The following GSDMC variants were observed in gnomAD, a reference collection of about 807,000 sequenced individuals.
The protein encoded by GSDMC is gasdermin-C.
In GSDMC, 59 loss-of-function variants were observed where a neutral mutation model predicts 58.0. The ratio of observed to expected loss-of-function variants is 1.02; its 90% CI spans 0.82 to 1.26. GSDMC has a LOEUF of 1.26. Ranked by LOEUF, GSDMC falls within the 50% of genes most tolerant of loss-of-function variation. The pLI is 0.00. For missense variants in GSDMC, 659 were observed against 598.5 expected (o/e 1.10, Z -1.06); for synonymous variants, 241 against 220.2 (o/e 1.09, Z -0.83).
At chr8:129,724,226 T>C in the GSDMC span, among the ~76,000 whole-genome samples, 1 of 152,208 alleles carries the variant, frequency 6.6e-6, no homozygotes, top group Non-Finnish European at 1.5e-5. Flanking sequence ...CAGGTGACTA[T>C]AGCCCTTGCC....
the GSDMC span, among the ~76,000 whole-genome samples, chr8:129,706,041 T>A: frequency 1.3e-5 from 2 of 152,146 alleles, no homozygotes; most frequent in Non-Finnish European, 2.9e-5. Flanking sequence ...ATGAAGAAAT[T>A]TTAAAAATAA....
At chr8:129,729,710 T>C in the GSDMC span, 79 of 526,522 alleles carry the variant, frequency 1.5e-4, no homozygotes, top group Non-Finnish European at 2.5e-4. Context: ...CAGTCTATCA[T>C]TGATGGACAT....
chr8:129,782,067 T>C (rs1263787548), intron 1 of GSDMC, among the ~76,000 whole-genome samples: 1 of 152,158 alleles, frequency 6.6e-6, no homozygotes, highest in African/African-American at 2.4e-5. Context: ...CGAGAGCAAT[T>C]TTAGAAATTA....
the GSDMC span, chr8:129,728,963 C>T: frequency 3.4e-5 from 23 of 668,644 alleles, no homozygotes; most frequent in Middle Eastern, 3.9e-4. Context: ...AGCTGCTGAA[C>T]GAGAAGGAGC....
At chr8:129,754,560 A>G (rs181057700) in intron 6 of GSDMC, among the ~76,000 whole-genome samples, 4 of 152,338 alleles carry the variant, frequency 2.6e-5, no homozygotes, top group Admixed American at 2.6e-4. Context: ...ACCAAAAAAC[A>G]TCTACAAGAA....
At chr8:129,776,758 G>C (rs148811824) in intron 2 of GSDMC, among the ~76,000 whole-genome samples, 1 of 140,176 alleles carries the variant, frequency 7.1e-6, no homozygotes, top group East Asian at 2.2e-4. Context: ...TGTTGTTGTT[G>C]TTTTTGTTGT....
chr8:129,745,902 A>G (rs7003594), downstream of GSDMC, among the ~76,000 whole-genome samples: 3,510 of 116,838 alleles, frequency 0.03, 157 homozygotes, highest in African/African-American at 0.14. Flanking sequence ...CTGCCGTTCT[A>G]CATGCCATGA....
At chr8:129,711,546 T>C in the GSDMC span, among the ~76,000 whole-genome samples, 65,781 of 152,070 alleles carry the variant, frequency 0.43, 19,243 homozygotes, top group African/African-American at 0.8. Flanking sequence ...AGTTCAAGAC[T>C]AAGGAAAGCA....
intron 1 of GSDMC, among the ~76,000 whole-genome samples, chr8:129,785,118 G>A (rs2034521670): frequency 6.6e-6 from 1 of 152,112 alleles, no homozygotes; most frequent in African/African-American, 2.4e-5. Context: ...GGCTGAGGCA[G>A]GAGAATCACT....
the GSDMC span, among the ~76,000 whole-genome samples, chr8:129,740,722 C>A: frequency 1.3e-5 from 2 of 152,048 alleles, no homozygotes; most frequent in Non-Finnish European, 2.9e-5. Context: ...GATTTATACA[C>A]GACTATATAT....
the GSDMC span, among the ~76,000 whole-genome samples, chr8:129,743,105 T>C: frequency 6.6e-6 from 1 of 152,204 alleles, no homozygotes; most frequent in Non-Finnish European, 1.5e-5. Flanking sequence ...TGTGTGCTTA[T>C]CCTGTTCAGA....
intron 6 of GSDMC, among the ~76,000 whole-genome samples, chr8:129,756,409 G>C (rs1332452757): frequency 6.6e-6 from 1 of 152,052 alleles, no homozygotes; most frequent in Non-Finnish European, 1.5e-5. Flanking sequence ...GCTAAAGAGA[G>C]AGAGAGCTAA....
At chr8:129,783,438 T>A (rs993862611) in intron 1 of GSDMC, among the ~76,000 whole-genome samples, 1 of 152,162 alleles carries the variant, frequency 6.6e-6, no homozygotes, top group Non-Finnish European at 1.5e-5. Context: ...AGCACTTCTA[T>A]ATGCCAACAG....
the GSDMC span, among the ~76,000 whole-genome samples, chr8:129,732,289 TA>T: frequency 0.07 from 9,877 of 140,702 alleles, 395 homozygotes; most frequent in African/African-American, 0.11. Flanking sequence ...CTTTATAAAT[TA>T]AAAAAAAAAA....
downstream of GSDMC, among the ~76,000 whole-genome samples, chr8:129,746,073 C>CG (rs1194190687): frequency 6.6e-6 from 1 of 151,876 alleles, no homozygotes; most frequent in Non-Finnish European, 1.5e-5. Context: ...GAGCATGGTG[C>CG]GGGGTAGGGG....
intron 6 of GSDMC, among the ~76,000 whole-genome samples, chr8:129,759,806 T>C (rs1289331914): frequency 6.6e-6 from 1 of 152,174 alleles, no homozygotes. Flanking sequence ...AGTTTGGACC[T>C]TCCTCAAAAA....
chr8:129,751,474 C>G (rs2033186839), intron 10 of GSDMC, 68 bp downstream of exon 10: 6 of 1,361,662 alleles, frequency 4.4e-6, no homozygotes, highest in Non-Finnish European at 6.2e-6. Flanking sequence ...ATAGAAACCA[C>G]CAACTTGGGT....
the GSDMC span, among the ~76,000 whole-genome samples, chr8:129,738,157 T>A: frequency 6.6e-6 from 1 of 152,130 alleles, no homozygotes; most frequent in Non-Finnish European, 1.5e-5. Context: ...CATTAAAAAG[T>A]CAGGAAACAA....
rs745620989 is a variant in GSDMC, at chr8:129,750,428, C to T, written c.1083+3G>A. 8.1e-6 allele frequency: 13 copies of T among 1,612,724 alleles called. No homozygotes were observed. Among genetic ancestry groups the T allele is most frequent in the Non-Finnish European group, 1.1e-5 (13 of 1,179,522 alleles). On this transcript the variant is annotated splice_donor_region_variant and intron_variant, in intron 11 of 13. Transcript: ENST00000276708. ...AGACCTATGCAACTGTGGAGCCCCT[C>T]ACCATGTTCATCAGGTCCTGTAGAG...
Sources: allele counts gnomAD v4.1 joint callset (sites outside exome capture counted in the v4.1 genomes callset), GRCh38; gene constraint gnomAD v4.1.1; transcripts MANE v1.5; gene names NCBI Gene and HGNC (gene_info 2026-07-23, HGNC 2026-07-21).